Variants in FBN2 observed in about 807,000 individuals in gnomAD.
FBN2 encodes fibrillin-2.
In FBN2, 105 loss-of-function variants were observed where a neutral mutation model predicts 355.6. The ratio of observed to expected loss-of-function variants is 0.30; its 90% CI spans 0.25 to 0.35. The LOEUF is 0.35. FBN2 is among the 10% of genes least tolerant of loss of function. FBN2 has a pLI of 1.00. For synonymous variants in FBN2, 1,350 were observed against 1,301.2 expected, an observed-to-expected ratio of 1.04 and a Z score of -0.81; for missense variants, 3,280 against 3,758.7, an observed-to-expected ratio of 0.87 and a Z score of 3.33.
intron 5 of FBN2, among the ~76,000 whole-genome samples, chr5:128,505,545 A>G (rs1268963216): frequency 1.3e-5 from 2 of 152,138 alleles, no homozygotes; most frequent in Non-Finnish European, 2.9e-5. Flanking sequence ...GTATAACCCC[A>G]TCATCATTAC....
chr5:128,305,201 A>G, intron 44 of FBN2, 119 bp from the exon 45 acceptor site: 1 of 941,710 alleles, frequency 1.1e-6, no homozygotes, highest in South Asian at 1.5e-5. Context: ...AAAATGAACC[A>G]TAACAACAGC....
At chr5:128,281,829 G>A (rs552910746) in intron 55 of FBN2, among the ~76,000 whole-genome samples, 10 of 152,142 alleles carry the variant, frequency 6.6e-5, no homozygotes, top group African/African-American at 2.4e-4. Context: ...GGGACTACAG[G>A]CGCCCGCCAC....
intron 8 of FBN2, among the ~76,000 whole-genome samples, chr5:128,397,040 T>C (rs982998359): frequency 1.3e-5 from 2 of 152,180 alleles, no homozygotes; most frequent in East Asian, 3.8e-4. Context: ...TAAGATACTC[T>C]GTATAAGAAT....
At chr5:128,465,110 T>A (rs1561470107) in intron 5 of FBN2, among the ~76,000 whole-genome samples, 189 bp from the exon 6 acceptor site, 1 of 152,222 alleles carries the variant, frequency 6.6e-6, no homozygotes, top group Non-Finnish European at 1.5e-5. Flanking sequence ...GACTTCAATG[T>A]ATTCCACACT....
chr5:128,309,119 T>C, intron 41 of FBN2, 128 bp downstream of exon 41: 2 of 906,558 alleles, frequency 2.2e-6, no homozygotes, highest in Non-Finnish European at 3.5e-6. Context: ...CAGAACCATA[T>C]GATGCTCTTG....
intron 62 of FBN2, among the ~76,000 whole-genome samples, chr5:128,271,196 T>C (rs1461862273): frequency 2.0e-5 from 3 of 152,190 alleles, no homozygotes; most frequent in Non-Finnish European, 4.4e-5. Context: ...GTGAAGTAAT[T>C]TGAATTACTA....
At chr5:128,496,293 T>C (rs1755654264) in intron 5 of FBN2, among the ~76,000 whole-genome samples, 1 of 151,962 alleles carries the variant, frequency 6.6e-6, no homozygotes, top group Admixed American at 6.6e-5. Flanking sequence ...AACAAAATAC[T>C]AGCAAACCAA....
At chr5:128,264,005 G>A (rs1765052123) in intron 62 of FBN2, among the ~76,000 whole-genome samples, 1 of 152,144 alleles carries the variant, frequency 6.6e-6, no homozygotes, top group Non-Finnish European at 1.5e-5. Flanking sequence ...GAGATAGAGA[G>A]AAAATTAGTT....
chr5:128,327,658 G>A (rs929777750), intron 34 of FBN2, among the ~76,000 whole-genome samples: 1 of 143,694 alleles, frequency 7.0e-6, no homozygotes, highest in African/African-American at 2.6e-5. Flanking sequence ...TTTTTTTTTA[G>A]ACTGAGTTTC....
At chr5:128,438,213 A>C (rs1753826438) in intron 7 of FBN2, among the ~76,000 whole-genome samples, 1 of 152,208 alleles carries the variant, frequency 6.6e-6, no homozygotes, top group Non-Finnish European at 1.5e-5. Flanking sequence ...GCTGGTCTCA[A>C]ACTTCCGGGC....
rs763784049 is a variant in FBN2 at position 128,259,471 on chromosome 5, T to C, written c.8723A>G (p.Gln2908Arg). 1.9e-6 allele frequency: 3 copies of C among 1,613,218 alleles called. No individual in the cohort carries two copies. In the South Asian group the frequency reaches 3.3e-5, roughly 18 times the overall value. The change falls in exon 65 of 65, where the codon CAG becomes CGG. Residue 2908 changes from glutamine to arginine, a missense_variant. This residue lies in a region of FBN2 where 311 missense variants were observed against 319.1 expected (regional missense o/e 0.97). Coordinates refer to ENST00000262464, the MANE Select transcript of FBN2 (RefSeq NM_001999.4). ...TGTGAAGGGTTAATAGAGCTGAATC[T>C]GCAGCCTCATTCTGAGAGCCTCCCC... ...ELGEALRMRL[Q>R]IQLY
chr5:128,361,896 A>G lies in FBN2; in HGVS notation c.2429-48T>C, dbSNP rs10519991. 0.087 allele frequency: 136,421 copies of G among 1,576,632 alleles called. 6,394 individuals carry two copies. Among genetic ancestry groups the G allele is most frequent in the Non-Finnish European group, 0.098 (112,285 of 1,146,176 alleles). On this transcript the variant is annotated intron_variant, in intron 18 of 64. Transcript: ENST00000262464. ...AGGAGATACACATATTTAAGCATCT[A>G]TTACAGTGGGCAGCAATGTTTAATT...
chr5:128,474,430 T>G (rs1293463893), intron 5 of FBN2, among the ~76,000 whole-genome samples: 1 of 152,162 alleles, frequency 6.6e-6, no homozygotes, highest in African/African-American at 2.4e-5. Context: ...TGAATATATT[T>G]CAGGGAAAAG....
intron 44 of FBN2, 74 bp downstream of exon 44, chr5:128,305,437 T>C (rs1247645946): frequency 1.9e-6 from 3 of 1,541,262 alleles, no homozygotes; most frequent in Non-Finnish European, 2.7e-6. Flanking sequence ...CAAATTATTC[T>C]TGAAGTATTT....
intron 55 of FBN2, among the ~76,000 whole-genome samples, chr5:128,282,442 G>A (rs1031112364): frequency 3.9e-5 from 6 of 151,908 alleles, no homozygotes; most frequent in African/African-American, 1.5e-4. Context: ...TATTTGATTT[G>A]TCTGAATTAT....
At chr5:128,461,369 G>A (rs903895747) in intron 6 of FBN2, among the ~76,000 whole-genome samples, 2 of 152,184 alleles carry the variant, frequency 1.3e-5, no homozygotes, top group Non-Finnish European at 1.5e-5. Flanking sequence ...TGGCGAGGCT[G>A]TGGAGAAATA....
chr5:128,290,261 C>G (rs1295552079), intron 50 of FBN2, among the ~76,000 whole-genome samples: 1 of 152,088 alleles, frequency 6.6e-6, no homozygotes, highest in East Asian at 1.9e-4. Context: ...CTGGAGTTTG[C>G]TGGGAATTAT....
chr5:128,480,479 G>A (rs1182067874), intron 5 of FBN2, among the ~76,000 whole-genome samples: 7 of 152,256 alleles, frequency 4.6e-5, no homozygotes, highest in African/African-American at 1.7e-4. Flanking sequence ...TACTTATAGT[G>A]TATGATGTAG....
intron 39 of FBN2, among the ~76,000 whole-genome samples, chr5:128,310,400 A>T (rs1334892909): frequency 0.034 from 452 of 13,274 alleles, 5 homozygotes; most frequent in African/African-American, 0.12. Context: ...ATATATATAT[A>T]TATTTTTTTT....
Sources: allele counts gnomAD v4.1 joint callset (sites outside exome capture counted in the v4.1 genomes callset), GRCh38; gene constraint gnomAD v4.1.1; regional missense constraint gnomAD v4.1.1; transcripts MANE v1.5; gene names NCBI Gene and HGNC (gene_info 2026-07-23, HGNC 2026-07-21).